The following SPATA17 variants were observed in gnomAD, a reference collection of about 807,000 sequenced individuals.
SPATA17 encodes spermatogenesis associated 17.
Under a neutral mutation model 62.2 loss-of-function variants are expected in SPATA17, and 53 were observed. That is an observed-to-expected ratio of 0.85 (90% CI 0.68 to 1.07). SPATA17 has a LOEUF of 1.07. Ranked by LOEUF, SPATA17 falls within the 50% of genes least tolerant of loss-of-function variation. The probability of loss-of-function intolerance (pLI) is 0.00; values close to 1 mark genes in which losing one functional copy is unlikely to be tolerated. For synonymous variants in SPATA17, 146 were observed against 146.8 expected (o/e 0.99, Z 0.04); for missense variants, 466 against 425.5 (o/e 1.10, Z -0.84).
chr1:217,671,299 A>G (rs1670826862), intron 4 of SPATA17, among the ~76,000 whole-genome samples: 1 of 152,168 alleles, frequency 6.6e-6, no homozygotes, highest in Non-Finnish European at 1.5e-5. Flanking sequence ...TCTCCTAATA[A>G]TAGACTGACT....
At chr1:217,667,868 ATGT>A (rs1297346608) in intron 3 of SPATA17, among the ~76,000 whole-genome samples, 1 of 152,236 alleles carries the variant, frequency 6.6e-6, no homozygotes, top group Non-Finnish European at 1.5e-5. Flanking sequence ...AAATGAAGAA[ATGT>A]TGTTGTGTTC....
At chr1:217,853,313 TTAAAC>T (rs1357002965) in intron 9 of SPATA17, among the ~76,000 whole-genome samples, 1 of 152,204 alleles carries the variant, frequency 6.6e-6, no homozygotes, top group Non-Finnish European at 1.5e-5. Context: ...TTATTTCATA[TTAAAC>T]TAAACATCAG....
At chr1:217,859,746 T>A (rs1043039669) in intron 9 of SPATA17, among the ~76,000 whole-genome samples, 1 of 152,164 alleles carries the variant, frequency 6.6e-6, no homozygotes, top group African/African-American at 2.4e-5. Flanking sequence ...TTAGAAGTGA[T>A]GGCCCATTTT....
At chr1:217,684,538 T>C (rs1270901051) in intron 5 of SPATA17, among the ~76,000 whole-genome samples, 1 of 151,954 alleles carries the variant, frequency 6.6e-6, no homozygotes, top group Non-Finnish European at 1.5e-5. Context: ...CCTCAGCCTC[T>C]CGAGTAGCTG....
chr1:217,711,644 G>A (rs560900663), intron 5 of SPATA17, among the ~76,000 whole-genome samples: 33 of 152,228 alleles, frequency 2.2e-4, no homozygotes, highest in Non-Finnish European at 3.7e-4. Context: ...TATAATTGAC[G>A]CTCAACAAAT....
At chr1:217,736,633 C>T (rs1672515037) in intron 5 of SPATA17, among the ~76,000 whole-genome samples, 1 of 152,042 alleles carries the variant, frequency 6.6e-6, no homozygotes, top group Non-Finnish European at 1.5e-5. Flanking sequence ...CATAGTGATC[C>T]TGGGAGAGAG....
intron 9 of SPATA17, among the ~76,000 whole-genome samples, chr1:217,803,066 C>A (rs1235874881): frequency 6.6e-6 from 1 of 152,178 alleles, no homozygotes; most frequent in Non-Finnish European, 1.5e-5. Flanking sequence ...GCGCATGCCA[C>A]CACACCTGGC....
chr1:217,751,734 A>G (rs1331513202), intron 6 of SPATA17, among the ~76,000 whole-genome samples: 3 of 152,166 alleles, frequency 2.0e-5, no homozygotes, highest in Admixed American at 6.5e-5. Flanking sequence ...TCCTCTTGCC[A>G]TCTTTTAACT....
intron 5 of SPATA17, among the ~76,000 whole-genome samples, chr1:217,720,979 A>G (rs963222724): frequency 2.6e-5 from 4 of 152,210 alleles, no homozygotes; most frequent in Non-Finnish European, 5.9e-5. Context: ...AGAAAGACAT[A>G]TATATCCAGA....
In SPATA17 at chr1:217,745,622, T is replaced by G. The variant is rs185510873; in HGVS notation, c.519+3524T>G. 2.1e-3 allele frequency among the ~76,000 whole-genome samples: 317 copies of G among 152,218 alleles called. 4 individuals are homozygous for G. Among genetic ancestry groups the G allele is most frequent in the South Asian group, 0.017 (83 of 4,826 alleles). On this transcript the variant is annotated intron_variant, in intron 6 of 10. Coordinates refer to ENST00000366933, the MANE Select transcript of SPATA17 (RefSeq NM_138796.4). Reference sequence around the variant, plus strand: ...TAAGATTTAATAAATATAATAAACATGAATCTTAACTTAAACTTATCAGTT... The same window carrying G: ...TAAGATTTAATAAATATAATAAACAGGAATCTTAACTTAAACTTATCAGTT...
intron 4 of SPATA17, among the ~76,000 whole-genome samples, chr1:217,680,124 G>A (rs1423188594): frequency 1.3e-5 from 2 of 151,992 alleles, no homozygotes; most frequent in African/African-American, 4.8e-5. Context: ...TGCTGATGAC[G>A]GATTTCCTGT....
chr1:217,748,628 C>T (rs1672823987), intron 6 of SPATA17, among the ~76,000 whole-genome samples: 1 of 151,028 alleles, frequency 6.6e-6, no homozygotes, highest in African/African-American at 2.4e-5. Context: ...GCCTGTAATC[C>T]CATCTACTCG....
At chr1:217,812,750 A>T (rs1331462723) in intron 9 of SPATA17, among the ~76,000 whole-genome samples, 9 of 152,214 alleles carry the variant, frequency 5.9e-5, no homozygotes, top group Non-Finnish European at 2.9e-5. Flanking sequence ...TACTAAAAAC[A>T]TCCTTTTGGT....
rs1670710398 is a variant in SPATA17, at chr1:217,667,012, G to A, written c.241-2021G>A. On this transcript the variant is annotated intron_variant, in intron 3 of 10. Transcript: ENST00000366933. ...TCCTGTTAGTTCATAATAAAATTGA[G>A]CCTTTTATACTTTTTGGAATTTTAC... Among the ~76,000 whole-genome samples, 3 of 147,548 alleles carry A rather than the reference G, an allele frequency of 2.0e-5. No individual in the cohort carries two copies. The South Asian group carries it at 6.6e-4, about 33-fold the overall frequency.
rs149116231 is a variant in SPATA17 at position 217,689,135 on chromosome 1, G to A, written c.395+5774G>A. ...TGTGGATACAATGATTAACACGGTAGATTCGAGCTAGCCTTTATAGAGCTT... is the reference window on the plus strand; with the variant it reads ...TGTGGATACAATGATTAACACGGTAAATTCGAGCTAGCCTTTATAGAGCTT... On this transcript the variant is annotated intron_variant, in intron 5 of 10. Transcript: ENST00000366933. 5.4e-4 allele frequency among the ~76,000 whole-genome samples: 81 copies of A among 150,888 alleles called. No homozygotes were observed. In the East Asian group the frequency reaches 0.01, roughly 19 times the overall value.
intron 3 of SPATA17, among the ~76,000 whole-genome samples, chr1:217,657,724 C>T (rs577555575): frequency 6.6e-6 from 1 of 152,284 alleles, no homozygotes; most frequent in African/African-American, 2.4e-5. Context: ...CCTCCTCTAA[C>T]TAAAATTTTA....
intron 1 of SPATA17, among the ~76,000 whole-genome samples, chr1:217,640,758 T>G (rs1670044483): frequency 6.6e-6 from 1 of 151,992 alleles, no homozygotes; most frequent in Admixed American, 6.6e-5. Flanking sequence ...CATAATGACA[T>G]GAACAAAATC....
intron 9 of SPATA17, among the ~76,000 whole-genome samples, chr1:217,821,374 A>G (rs1410743556): frequency 6.6e-6 from 1 of 152,112 alleles, no homozygotes; most frequent in Non-Finnish European, 1.5e-5. Flanking sequence ...GAGGAAGGCT[A>G]AGAGAATATG....
chr1:217,681,698 T>C (rs1671088880), intron 4 of SPATA17, among the ~76,000 whole-genome samples: 1 of 152,112 alleles, frequency 6.6e-6, no homozygotes. Context: ...TGCCCAGCCA[T>C]GTTTAATATC....
Sources: allele counts gnomAD v4.1 joint callset (sites outside exome capture counted in the v4.1 genomes callset), GRCh38; gene constraint gnomAD v4.1.1; transcripts MANE v1.5; gene names NCBI Gene and HGNC (gene_info 2026-07-23, HGNC 2026-07-21).